POLA1: variants seen among roughly 807,000 people sequenced by gnomAD.
POLA1 encodes the protein DNA polymerase alpha catalytic subunit.
Under a neutral mutation model 124.0 loss-of-function variants are expected in POLA1, and 15 were observed. The ratio of observed to expected loss-of-function variants is 0.12; its 90% CI spans 0.08 to 0.19. POLA1 has a LOEUF of 0.19. POLA1 is among the 10% of genes least tolerant of loss of function. The pLI is 1.00. For synonymous variants in POLA1, 408 were observed against 389.4 expected (o/e 1.05, Z -0.56); for missense variants, 886 against 1,103.4 (o/e 0.80, Z 2.79).
At chrX:24,851,461 T>G (rs1265793820) in intron 34 of POLA1, among the ~76,000 whole-genome samples, 2 of 112,912 alleles carry the variant, frequency 1.8e-5, no homozygotes, top group Non-Finnish European at 3.7e-5. Context: ...TAGAGCAGGA[T>G]TGATCAAGAG....
In POLA1 at chrX:24,726,995, C is replaced by T; in HGVS notation, c.1455C>T (p.Thr485=). 2.5e-6 allele frequency: 3 copies of T among 1,193,048 alleles called. No homozygotes were observed. Among genetic ancestry groups the T allele is most frequent in the Non-Finnish European group, 3.4e-6 (3 of 880,752 alleles). ...KGETFSHVFG[T]NTSSLELFLM... is the part of the protein sequence containing the mutation. ...AAACTTTTTCTCATGTATTTGGGAC[C>T]AACACATCTAGCCTGGAACTGTTCT... The change falls in exon 14 of 37, where the codon ACC becomes ACT. Residue 485 remains threonine (T), a synonymous_variant. Coordinates refer to ENST00000379068, the MANE Select transcript of POLA1 (RefSeq NM_001330360.2).
chrX:24,919,447 A>C (rs1042395792), intron 35 of POLA1, among the ~76,000 whole-genome samples: 7 of 110,754 alleles, frequency 6.3e-5, no homozygotes, highest in Admixed American at 9.6e-5. Context: ...GTTCCCCCCC[A>C]CCACCACCAT....
At chrX:24,694,129 G>GGGCCCTTCTGGCGTC in intron 1 of POLA1, 125 bp downstream of exon 1, 1 of 677,657 alleles carries the variant, frequency 1.5e-6, no homozygotes, top group Non-Finnish European at 2.2e-6. Context: ...TCCCCGGCGG[G>GGGCCCTTCTGGCGTC]GGCCCTTCTG....
intron 26 of POLA1, among the ~76,000 whole-genome samples, chrX:24,803,930 TAAAAAAAAAAA>T (rs34721601): frequency 1.7e-3 from 24 of 13,841 alleles, no homozygotes; most frequent in East Asian, 3.0e-3. Flanking sequence ...ACCCTAGACT[TAAAAAAAAAAA>T]AAAAAAAAAA....
At chrX:24,952,991 C>T (rs771157534) in intron 36 of POLA1, among the ~76,000 whole-genome samples, 3 of 112,191 alleles carry the variant, frequency 2.7e-5, no homozygotes, top group Non-Finnish European at 3.8e-5. Flanking sequence ...ATAAAATAAA[C>T]ATCAAATCCT....
At position 24,693,943 on chromosome X, in the gene POLA1, A is replaced by T; in HGVS notation, c.-19A>T. ...GCCAGTTTTGGGCTGGTTGGCGCGG[A>T]ATCGGGAGATTCGGGACCATGGCAC... is the stretch of plus-strand genomic sequence containing the variant. On this transcript the variant is annotated 5_prime_UTR_variant, in exon 1 of 37. Coordinates refer to ENST00000379068, the MANE Select transcript of POLA1 (RefSeq NM_001330360.2). 8.4e-7 allele frequency: 1 copy of T among 1,189,176 alleles called. No homozygotes were observed. The highest frequency in any genetic ancestry group is 1.1e-6 in the Non-Finnish European group (1 of 883,738).
chrX:24,798,629 A>G (rs2045653808), intron 26 of POLA1, among the ~76,000 whole-genome samples: 1 of 111,080 alleles, frequency 9.0e-6, no homozygotes, highest in Non-Finnish European at 1.9e-5. Flanking sequence ...TATATAATAC[A>G]TATAAACATA....
intron 34 of POLA1, among the ~76,000 whole-genome samples, chrX:24,844,382 G>T (rs1222721940): frequency 9.3e-6 from 1 of 107,643 alleles, no homozygotes; most frequent in Non-Finnish European, 1.9e-5. Flanking sequence ...ATTTTTCTTA[G>T]TGTTTCAGTA....
At chrX:24,804,985 T>C (rs1414055864) in intron 26 of POLA1, among the ~76,000 whole-genome samples, 1 of 111,951 alleles carries the variant, frequency 8.9e-6, no homozygotes, top group East Asian at 2.8e-4. Flanking sequence ...GGTATATTCA[T>C]GAACACATTA....
At chrX:24,930,952 A>G (rs2047767831) in intron 36 of POLA1, among the ~76,000 whole-genome samples, 1 of 111,880 alleles carries the variant, frequency 8.9e-6, no homozygotes, top group African/African-American at 3.2e-5. Context: ...GCTGTTCGCT[A>G]AAAGCCTGGG....
chrX:24,784,059 CTTTTTTTTT>C (rs11295214), intron 26 of POLA1, among the ~76,000 whole-genome samples: 1 of 59,509 alleles, frequency 1.7e-5, no homozygotes, highest in African/African-American at 7.4e-5. Flanking sequence ...ATTTATATTT[CTTTTTTTTT>C]TTTTTTTTTT....
intron 36 of POLA1, among the ~76,000 whole-genome samples, chrX:24,989,307 TAAAC>T (rs1284950471): frequency 1.8e-5 from 2 of 111,631 alleles, no homozygotes; most frequent in African/African-American, 6.5e-5. Context: ...TGTTGACAAA[TAAAC>T]TTCCCAGGAT....
chrX:24,742,192 T>A, intron 22 of POLA1, 71 bp downstream of exon 22: 2 of 890,210 alleles, frequency 2.2e-6, no homozygotes, highest in Non-Finnish European at 3.1e-6. Context: ...TAGATAGCCT[T>A]TTTTTTCTGT....
intron 36 of POLA1, among the ~76,000 whole-genome samples, chrX:24,974,248 G>A (rs1266767938): frequency 2.7e-5 from 3 of 111,390 alleles, no homozygotes; most frequent in Non-Finnish European, 5.7e-5. Flanking sequence ...ATTGTCACAA[G>A]TTGGGGAGAA....
Position 24,834,130 on chromosome X carries a change from A to T in POLA1, c.3737-7522A>T, listed in dbSNP as rs1322809182. Reference sequence around the variant, plus strand: ...CAGAAAGAAAAAAAAAAAAAAAAAAAGGAAGAAGACACTTGAAAAGCTTCC... The same window carrying T: ...CAGAAAGAAAAAAAAAAAAAAAAAATGGAAGAAGACACTTGAAAAGCTTCC... On this transcript the variant is annotated intron_variant, in intron 32 of 36. Coordinates refer to ENST00000379068, the MANE Select transcript of POLA1 (RefSeq NM_001330360.2). 5.2e-5 allele frequency among the ~76,000 whole-genome samples: 5 copies of T among 97,021 alleles called. No homozygotes were observed. In the Admixed American group the frequency reaches 5.5e-4, roughly 11 times the overall value. 84.3% of individuals were successfully genotyped at this position (97,021 alleles called of 115,157 possible).
intron 26 of POLA1, among the ~76,000 whole-genome samples, chrX:24,791,280 T>C (rs145904366): frequency 1.8e-5 from 2 of 111,910 alleles, no homozygotes; most frequent in African/African-American, 6.5e-5. Context: ...GTAGGAGATG[T>C]CACTGACCCT....
chrX:24,930,361 G>A, intron 35 of POLA1, 92 bp from the exon 36 acceptor site: 1 of 593,946 alleles, frequency 1.7e-6, no homozygotes, highest in Non-Finnish European at 2.8e-6. Context: ...TGATTTGGAA[G>A]TTGAAAGTAG....
At chrX:24,852,763 G>C (rs369969112) in intron 34 of POLA1, among the ~76,000 whole-genome samples, 90 of 111,919 alleles carry the variant, frequency 8.0e-4, no homozygotes, top group African/African-American at 2.8e-3. Context: ...CCATCACCCA[G>C]CTTGTTTCCC....
At chrX:24,773,326 C>G (rs2148441737) in intron 26 of POLA1, among the ~76,000 whole-genome samples, 1 of 111,874 alleles carries the variant, frequency 8.9e-6, no homozygotes, top group South Asian at 3.8e-4. Flanking sequence ...CTTAGTGACC[C>G]TGTCCTGAAC....
Sources: gnomAD v4.1 joint callset for allele counts (sites outside exome capture counted in the v4.1 genomes callset) on GRCh38, gnomAD v4.1.1 for gene constraint, MANE v1.5 for transcripts, NCBI Gene and HGNC (gene_info 2026-07-23, HGNC 2026-07-21) for gene names.